The following HPCAL4 variants were observed in gnomAD, a reference collection of about 807,000 sequenced individuals.
HPCAL4 encodes the protein hippocalcin-like protein 4.
HPCAL4 carries 16 observed loss-of-function variants against 18.2 expected under a neutral mutation model. The ratio of observed to expected loss-of-function variants is 0.88; its 90% CI spans 0.59 to 1.33. HPCAL4 has a LOEUF of 1.33. Ranked by LOEUF, HPCAL4 falls within the 40% of genes most tolerant of loss-of-function variation. The pLI is 0.00. For missense variants in HPCAL4, 214 were observed against 256.6 expected, an observed-to-expected ratio of 0.83 and a Z score of 1.14; for synonymous variants, 80 against 97.5, an observed-to-expected ratio of 0.82 and a Z score of 1.06.
chr1:39,690,529 G>C (rs1471712172), intron 1 of HPCAL4, among the ~76,000 whole-genome samples: 3 of 152,188 alleles, frequency 2.0e-5, no homozygotes, highest in African/African-American at 2.4e-5. Flanking sequence ...GTGCCTGGCT[G>C]TGAGGGGGGA....
intron 1 of HPCAL4, among the ~76,000 whole-genome samples, chr1:39,685,903 C>T (rs1221421159): frequency 2.7e-5 from 4 of 145,604 alleles, no homozygotes; most frequent in African/African-American, 1.0e-4. Flanking sequence ...ATATATTGGC[C>T]GGGCGCAGTG....
In HPCAL4 at chr1:39,682,629, A is replaced by G; in HGVS notation, c.483T>C (p.Asp161=). ...VDKIFKKMDQ[D]KDDQITLEEF... The stretch of plus-strand genomic sequence containing the variant: ...CCTCCAATGTAATCTGGTCGTCCTT[A>G]TCCTGGTCCATCTTCTTGAAGATCT... Residue 161 remains aspartate, a synonymous_variant, in exon 4 of 4, where the codon GAT becomes GAC. Transcript: ENST00000372844. 1.9e-6 allele frequency: 3 copies of G among 1,614,244 alleles called. No individual in the cohort carries two copies. The highest frequency in any genetic ancestry group is 2.5e-6 in the Non-Finnish European group (3 of 1,180,046).
At chr1:39,689,102 G>A (rs1369034695) in intron 1 of HPCAL4, among the ~76,000 whole-genome samples, 1 of 152,110 alleles carries the variant, frequency 6.6e-6, no homozygotes, top group Non-Finnish European at 1.5e-5. Context: ...CCTCCAATAT[G>A]CCCCAGTCCA....
intron 1 of HPCAL4, among the ~76,000 whole-genome samples, chr1:39,685,577 T>A (rs1646665893): frequency 6.6e-6 from 1 of 152,058 alleles, no homozygotes; most frequent in Admixed American, 6.5e-5. Flanking sequence ...CTACAAAAAA[T>A]TTAAAAATTT....
chr1:39,690,635 G>C (rs898642073), intron 1 of HPCAL4, among the ~76,000 whole-genome samples: 9 of 152,108 alleles, frequency 5.9e-5, no homozygotes, highest in African/African-American at 1.9e-4. Context: ...CTCCCGCCAG[G>C]ATGAGAGATG....
At position 39,682,632 on chromosome 1, in the gene HPCAL4, C is replaced by T; in HGVS notation, c.480G>A (p.Gln160=). 6.2e-7 allele frequency: 1 copy of T among 1,614,254 alleles called. No homozygotes were observed. Among genetic ancestry groups the T allele is most frequent in the East Asian group, 2.2e-5 (1 of 44,886 alleles). The stretch of plus-strand genomic sequence containing the variant: ...CCAATGTAATCTGGTCGTCCTTATC[C>T]TGGTCCATCTTCTTGAAGATCTTGT... ...RVDKIFKKMD[Q]DKDDQITLEE... is the part of the protein sequence containing the mutation. The change falls in exon 4 of 4, where the codon CAG becomes CAA. Residue 160 remains glutamine, a synonymous_variant. Transcript: ENST00000372844.
chr1:39,690,785 G>A (rs1646711630), intron 1 of HPCAL4, among the ~76,000 whole-genome samples: 1 of 151,994 alleles, frequency 6.6e-6, no homozygotes, highest in African/African-American at 2.4e-5. Flanking sequence ...GGGATGTGGG[G>A]ACAGTGTCTG....
At chr1:39,683,819 C>T (rs955500844) in intron 3 of HPCAL4, 118 bp downstream of exon 3, 4 of 854,450 alleles carry the variant, frequency 4.7e-6, no homozygotes, top group Non-Finnish European at 7.4e-6. Flanking sequence ...TGGTAGGAGG[C>T]GGGATCGCAG....
At chr1:39,682,851 A>G (rs1646638541) in intron 3 of HPCAL4, 118 bp from the exon 4 acceptor site, 1 of 706,210 alleles carries the variant, frequency 1.4e-6, no homozygotes, top group Admixed American at 2.3e-5. Context: ...ACTGGAAGGT[A>G]TATGTGGTCA....
rs930124000 is a variant in HPCAL4, at chr1:39,681,262, A to G, written c.*1274T>C. On this transcript the variant is annotated 3_prime_UTR_variant, in exon 4 of 4. Coordinates refer to ENST00000372844, the MANE Select transcript of HPCAL4 (RefSeq NM_016257.4). ...TGGCACATTTTTAGGCATTTCGTCC[A>G]TAAATTATGTCTGGGTGCCTAAACA... 6.6e-6 allele frequency: 1 copy of G among 152,238 alleles called. No homozygotes were observed. The highest frequency in any genetic ancestry group is 2.4e-5 in the African/African-American group (1 of 41,460). 9.4% of individuals were successfully genotyped at this position (152,238 alleles called of 1,614,324 possible).
intron 1 of HPCAL4, among the ~76,000 whole-genome samples, chr1:39,689,551 C>T (rs1314583225): frequency 6.6e-6 from 1 of 152,242 alleles, no homozygotes; most frequent in Non-Finnish European, 1.5e-5. Flanking sequence ...AAGGCCAGAA[C>T]CCAGCTGGGG....
rs972769662 is a variant in HPCAL4, at chr1:39,680,078, A to G, written c.*2458T>C. The G allele has an allele frequency of 6.6e-6, 1 of 152,662 alleles. No homozygotes were observed. The highest frequency in any genetic ancestry group is 1.5e-5 in the Non-Finnish European group (1 of 68,052). 9.5% of individuals were successfully genotyped at this position (152,662 alleles called of 1,614,324 possible). ...GCTTGAAAATGTGGGGACTTCAACCAAGCTCCTATTTTTTTTGGAAGACCA... is the reference window on the plus strand; with the variant it reads ...GCTTGAAAATGTGGGGACTTCAACCGAGCTCCTATTTTTTTTGGAAGACCA... On this transcript the variant is annotated 3_prime_UTR_variant, in exon 4 of 4. Transcript: ENST00000372844.
rs1232266546 is a variant in HPCAL4 at position 39,680,086 on chromosome 1, A to AT, written c.*2449dup. ...ATGTGGGGACTTCAACCAAGCTCCTATTTTTTTTGGAAGACCACAATCTCA... is the reference window on the plus strand; with the variant it reads ...ATGTGGGGACTTCAACCAAGCTCCTATTTTTTTTTGGAAGACCACAATCTCA... On this transcript the variant is annotated 3_prime_UTR_variant, in exon 4 of 4. Coordinates refer to ENST00000372844, the MANE Select transcript of HPCAL4 (RefSeq NM_016257.4). 2 of 152,532 alleles carry AT rather than the reference A, an allele frequency of 1.3e-5. No homozygotes were observed. Among genetic ancestry groups the AT allele is most frequent in the East Asian group, 1.9e-4 (1 of 5,176 alleles). 9.4% of individuals were successfully genotyped at this position (152,532 alleles called of 1,614,324 possible). A position where few individuals can be genotyped will look rare whatever the true frequency, so the allele number is the denominator to read the frequency against.
intron 3 of HPCAL4, 42 bp from the exon 4 acceptor site, chr1:39,682,775 G>A (rs777185237): frequency 6.4e-7 from 1 of 1,567,816 alleles, no homozygotes; most frequent in Non-Finnish European, 8.8e-7. Flanking sequence ...ACCCACAAGG[G>A]GCCCCGAGAA....
chr1:39,684,188 G>GGGGGC, intron 2 of HPCAL4, 36 bp from the exon 3 acceptor site: 1 of 1,423,032 alleles, frequency 7.0e-7, no homozygotes. Context: ...CGCAGCGACA[G>GGGGGC]CCCCGCCCAC....
chr1:39,685,813 G>C (rs1367987896), intron 1 of HPCAL4, among the ~76,000 whole-genome samples: 2 of 150,772 alleles, frequency 1.3e-5, no homozygotes, highest in Non-Finnish European at 2.9e-5. Context: ...CCAGGAGGGA[G>C]AGCATGCAGT....
At chr1:39,683,319 T>G (rs1646643594) in intron 3 of HPCAL4, among the ~76,000 whole-genome samples, 1 of 152,226 alleles carries the variant, frequency 6.6e-6, no homozygotes, top group Non-Finnish European at 1.5e-5. Flanking sequence ...CTCCCTCTCA[T>G]GGCTCTCCCA....
Position 39,680,038 on chromosome 1 carries a change from G to A in HPCAL4, c.*2498C>T, listed in dbSNP as rs967720197. ...CTGAGCTGTTAGCACAGCTGCCAGA[G>A]GCAGAACACTGAGTGCTTGAAAATG... On this transcript the variant is annotated 3_prime_UTR_variant, in exon 4 of 4. Transcript: ENST00000372844. 6.5e-6 allele frequency: 1 copy of A among 152,676 alleles called. No individual in the cohort carries two copies. The highest frequency in any genetic ancestry group is 2.4e-5 in the African/African-American group (1 of 41,464). 9.5% of individuals were successfully genotyped at this position (152,676 alleles called of 1,614,324 possible). A position where few individuals can be genotyped will look rare whatever the true frequency, so the allele number is the denominator to read the frequency against.
At chr1:39,683,673 T>C (rs1180221357) in intron 3 of HPCAL4, among the ~76,000 whole-genome samples, 2 of 152,222 alleles carry the variant, frequency 1.3e-5, no homozygotes, top group Non-Finnish European at 2.9e-5. Flanking sequence ...AAACATCAGC[T>C]ATGAGGTCAG....
Sources: gnomAD v4.1 joint callset for allele counts (sites outside exome capture counted in the v4.1 genomes callset) on GRCh38, gnomAD v4.1.1 for gene constraint, MANE v1.5 for transcripts, NCBI Gene and HGNC (gene_info 2026-07-23, HGNC 2026-07-21) for gene names.